EYA2: variants seen among roughly 807,000 people sequenced by gnomAD.
The protein encoded by EYA2 is EYA transcriptional coactivator and phosphatase 2.
A neutral mutation model predicts 69.2 loss-of-function variants in EYA2; 31 were observed. The ratio of observed to expected loss-of-function variants is 0.45; its 90% confidence interval spans 0.34 to 0.60. The LOEUF (loss-of-function observed/expected upper bound fraction) is 0.60. Among genes scored for constraint, EYA2 ranks in the 20% least tolerant of loss-of-function variants. The probability of loss-of-function intolerance (pLI) is 0.02; values close to 1 mark genes in which losing one functional copy is unlikely to be tolerated. For synonymous variants in EYA2, 257 were observed against 279.4 expected (o/e 0.92, Z 0.80); for missense variants, 622 against 701.2 (o/e 0.89, Z 1.28).
chr20:47,102,869 G>A (rs1049737106), intron 9 of EYA2, among the ~76,000 whole-genome samples: 4 of 151,550 alleles, frequency 2.6e-5, no homozygotes, highest in African/African-American at 4.8e-5. Context: ...ACCCTCCTCC[G>A]CAGTCTCTGA....
chr20:47,122,904 AG>A (rs539127433), intron 9 of EYA2, among the ~76,000 whole-genome samples: 1 of 152,356 alleles, frequency 6.6e-6, no homozygotes, highest in South Asian at 2.1e-4. Context: ...AAACCTTTAT[AG>A]AAAAAGTTCA....
chr20:46,903,568 C>T (rs988676158), intron 1 of EYA2, among the ~76,000 whole-genome samples: 1 of 152,176 alleles, frequency 6.6e-6, no homozygotes, highest in Non-Finnish European at 1.5e-5. Flanking sequence ...TACACTTCCC[C>T]TCAGTGTTAA....
chr20:47,139,093 C>T (rs573393972), intron 9 of EYA2, among the ~76,000 whole-genome samples: 1 of 152,322 alleles, frequency 6.6e-6, no homozygotes, highest in East Asian at 1.9e-4. Context: ...GACCACATTT[C>T]ATTTTTCAAG....
chr20:46,944,106 T>C (rs1568679889), intron 1 of EYA2, among the ~76,000 whole-genome samples: 1 of 152,082 alleles, frequency 6.6e-6, no homozygotes, highest in Non-Finnish European at 1.5e-5. Context: ...CTGCTCCCCC[T>C]GGATGGCTCT....
intron 7 of EYA2, among the ~76,000 whole-genome samples, chr20:47,077,099 G>A (rs2031545010): frequency 6.6e-6 from 1 of 152,170 alleles, no homozygotes; most frequent in Non-Finnish European, 1.5e-5. Context: ...TGAGGAAGAG[G>A]TGATCACCTC....
intron 9 of EYA2, among the ~76,000 whole-genome samples, chr20:47,127,496 C>T (rs763280171): frequency 1.5e-4 from 23 of 152,150 alleles, no homozygotes; most frequent in Non-Finnish European, 2.9e-4. Flanking sequence ...CCCAGCTACT[C>T]AGGAGGCTGA....
intron 9 of EYA2, among the ~76,000 whole-genome samples, chr20:47,100,098 A>G (rs1456859878): frequency 6.6e-6 from 1 of 152,196 alleles, no homozygotes; most frequent in Non-Finnish European, 1.5e-5. Context: ...GTAGGTGTCA[A>G]GTAAATATTT....
At chr20:47,161,710 A>C in intron 10 of EYA2, 1 of 191,516 alleles carries the variant, frequency 5.2e-6, no homozygotes, top group Non-Finnish European at 1.1e-5. Context: ...CATCCCCCAA[A>C]ACCGGATGTT....
chr20:47,187,996 T>C, intron 15 of EYA2, 57 bp from the exon 16 acceptor site: 1 of 1,536,634 alleles, frequency 6.5e-7, no homozygotes, highest in East Asian at 2.4e-5. Context: ...ACCACAGGCG[T>C]GGAACCCGGG....
chr20:47,164,665 C>T (rs1265046410), intron 10 of EYA2, among the ~76,000 whole-genome samples: 2 of 152,128 alleles, frequency 1.3e-5, no homozygotes, highest in Non-Finnish European at 2.9e-5. Flanking sequence ...ACTCACATGC[C>T]TAGGGGGGTC....
Position 47,074,355 on chromosome 20 carries a change from G to A in EYA2, c.661+20G>A. ...TTGCTGGTAGGTGCAGTCACTGGTGGGGCCATTCATGGCTGTGGTCTGAGA... is the reference window on the plus strand; with the variant it reads ...TTGCTGGTAGGTGCAGTCACTGGTGAGGCCATTCATGGCTGTGGTCTGAGA... On this transcript the variant is annotated intron_variant, in intron 7 of 15. Coordinates refer to ENST00000327619, the MANE Select transcript of EYA2 (RefSeq NM_005244.5). 6.2e-7 allele frequency: 1 copy of A among 1,612,132 alleles called. No homozygotes were observed. The highest frequency in any genetic ancestry group is 8.5e-7 in the Non-Finnish European group (1 of 1,178,602).
rs56834738 is a variant in EYA2, at chr20:46,908,870, C to CTTTTTTTTT, written c.-11+13912_-11+13920dup. ...AAAGGCACTAAGCCTCTCTCCCGCA[C>CTTTTTTTTT]TTTTTTTTTTTTTTTTTTTTTTTTT... On this transcript the variant is annotated intron_variant, in intron 1 of 15. Transcript: ENST00000327619. 4.2e-4 allele frequency among the ~76,000 whole-genome samples: 20 copies of CTTTTTTTTT among 47,582 alleles called. 1 individual carries two copies. Among genetic ancestry groups the CTTTTTTTTT allele is most frequent in the African/African-American group, 1.2e-3 (14 of 11,476 alleles). 31.2% of individuals were successfully genotyped at this position (47,582 alleles called of 152,430 possible). A position where few individuals can be genotyped will look rare whatever the true frequency, so the allele number is the denominator to read the frequency against.
chr20:47,067,845 G>A (rs957759290), intron 5 of EYA2, among the ~76,000 whole-genome samples: 2 of 151,906 alleles, frequency 1.3e-5, no homozygotes, highest in East Asian at 3.9e-4. Flanking sequence ...TCCTTCATTC[G>A]AGGATGTCTT....
chr20:47,043,679 C>T (rs977716732), intron 5 of EYA2, among the ~76,000 whole-genome samples: 8 of 151,528 alleles, frequency 5.3e-5, no homozygotes, highest in Admixed American at 1.3e-4. Flanking sequence ...GATGATAATA[C>T]GCATTTCATA....
intron 9 of EYA2, chr20:47,117,789 C>A: frequency 1.4e-6 from 1 of 737,966 alleles, no homozygotes; most frequent in Non-Finnish European, 1.7e-6. Context: ...CCTTTTCTTC[C>A]TTTTCCCCCT....
chr20:47,165,259 G>C (rs1167757325), intron 10 of EYA2, among the ~76,000 whole-genome samples: 1 of 152,162 alleles, frequency 6.6e-6, no homozygotes, highest in Non-Finnish European at 1.5e-5. Context: ...CTTGGGGAGA[G>C]GGGGTAGATT....
intron 9 of EYA2, among the ~76,000 whole-genome samples, chr20:47,130,196 T>TA (rs71809692): frequency 7.4e-5 from 11 of 148,506 alleles, no homozygotes; most frequent in African/African-American, 1.7e-4. Context: ...CTCACTACTT[T>TA]AAAAAAAATG....
chr20:47,113,370 GGA>G (rs1167553545), intron 9 of EYA2, among the ~76,000 whole-genome samples: 1 of 152,162 alleles, frequency 6.6e-6, no homozygotes, highest in Admixed American at 6.5e-5. Context: ...TTCAGTCCCA[GGA>G]GAGAGGGGCT....
Position 47,080,145 on chromosome 20 carries a change from C to G in EYA2, c.661+5810C>G, listed in dbSNP as rs111602232. 5.6e-3 allele frequency among the ~76,000 whole-genome samples: 860 copies of G among 152,254 alleles called. 5 individuals are homozygous for G. The highest frequency in any genetic ancestry group is 0.02 in the African/African-American group (822 of 41,544). ...AATCAAGGCATACAAAGCATGTTCT[C>G]TGACAGCAGTGGAATTAAATTAGAA... On this transcript the variant is annotated intron_variant, in intron 7 of 15. Transcript: ENST00000327619.
Sources: gnomAD v4.1 joint callset for allele counts (sites outside exome capture counted in the v4.1 genomes callset) on GRCh38, gnomAD v4.1.1 for gene constraint, MANE v1.5 for transcripts, NCBI Gene and HGNC (gene_info 2026-07-23, HGNC 2026-07-21) for gene names.